TLR2: variants seen among roughly 807,000 people sequenced by gnomAD.
TLR2 encodes the protein toll like receptor 2.
TLR2 carries 7 observed loss-of-function variants against 9.1 expected under a neutral mutation model. That is an observed-to-expected ratio of 0.77 (90% CI 0.44 to 1.44). The LOEUF is 1.44. Ranked by LOEUF, TLR2 falls within the 40% of genes most tolerant of loss-of-function variation. The pLI, the probability that TLR2 is intolerant of heterozygous loss-of-function variation, is 0.01. For missense variants in TLR2, 812 were observed against 904.6 expected (o/e 0.90, Z 1.31); for synonymous variants, 317 against 344.6 (o/e 0.92, Z 0.89).
At chr4:153,689,592 A>G (rs1017613688) in intron 2 of TLR2, among the ~76,000 whole-genome samples, 3 of 152,242 alleles carry the variant, frequency 2.0e-5, no homozygotes, top group Admixed American at 1.3e-4. Flanking sequence ...TGAGGGCAAT[A>G]TGCCTCAATT....
downstream of TLR2, among the ~76,000 whole-genome samples, chr4:153,709,719 C>T (rs147669713): frequency 4.9e-4 from 75 of 152,328 alleles, no homozygotes; most frequent in Non-Finnish European, 9.1e-4. Context: ...TGTGTGCACG[C>T]GCACGCAGAG....
intron 2 of TLR2, among the ~76,000 whole-genome samples, chr4:153,691,631 C>G (rs899456139): frequency 1.3e-5 from 2 of 152,078 alleles, no homozygotes; most frequent in African/African-American, 4.8e-5. Context: ...GCCTCAGCTT[C>G]TTTTGTTAAT....
At chr4:153,694,455 G>A (rs766982987) in intron 2 of TLR2, among the ~76,000 whole-genome samples, 24 of 152,202 alleles carry the variant, frequency 1.6e-4, no homozygotes, top group Non-Finnish European at 3.1e-4. Flanking sequence ...GCTGCTTAAG[G>A]CAAACAGGCA....
downstream of TLR2, among the ~76,000 whole-genome samples, chr4:153,709,261 A>G (rs1360698932): frequency 6.6e-6 from 1 of 152,258 alleles, no homozygotes; most frequent in Non-Finnish European, 1.5e-5. Flanking sequence ...CATTAAGTAT[A>G]GTGCCAATAT....
At position 153,703,648 on chromosome 4, in the gene TLR2, A is replaced by G. The variant is rs1484893915; in HGVS notation, c.741A>G (p.Thr247=). The G allele has an allele frequency of 5.0e-6, 8 of 1,613,210 alleles. No individual in the cohort carries two copies. The East Asian group carries it at 1.6e-4, about 31-fold the overall frequency. The change falls in exon 3 of 3, where the codon ACA becomes ACG. Residue 247 remains threonine, a synonymous_variant. Transcript: ENST00000642700. ...TTTCAGAACTATCCACTGGTGAAAC[A>G]AATTCATTGATTAAAAAGTTTACAT... ...FHFSELSTGE[T]NSLIKKFTFR... is the part of the protein sequence containing the mutation.
At position 153,704,447 on chromosome 4, in the gene TLR2, T is replaced by C; in HGVS notation, c.1540T>C (p.Phe514Leu). 1.2e-6 allele frequency: 2 copies of C among 1,614,162 alleles called. No homozygotes were observed. Among genetic ancestry groups the C allele is most frequent in the South Asian group, 1.1e-5 (1 of 91,080 alleles). ...LKISRNAITT[F>L]SKEQLDSFHT... ...AATCAGTAGGAATGCAATAACTACG[T>C]TTTCTAAGGAGCAACTTGACTCATT... The change falls in exon 3 of 3, where the codon TTT becomes CTT. Residue 514 changes from phenylalanine (F) to leucine (L), a missense_variant. Coordinates refer to ENST00000642700, the MANE Select transcript of TLR2 (RefSeq NM_001318789.2).
chr4:153,690,010 G>C (rs1735994880), intron 2 of TLR2, among the ~76,000 whole-genome samples: 1 of 152,212 alleles, frequency 6.6e-6, no homozygotes, highest in Non-Finnish European at 1.5e-5. Flanking sequence ...CTCATGATAA[G>C]GTTTCAGGTG....
At chr4:153,695,051 A>G (rs1009743562) in intron 2 of TLR2, among the ~76,000 whole-genome samples, 12 of 152,030 alleles carry the variant, frequency 7.9e-5, no homozygotes, top group African/African-American at 2.7e-4. Flanking sequence ...TATATACCAC[A>G]TTTTCTTTAT....
At position 153,705,863 on chromosome 4, in the gene TLR2, A is replaced by G. The variant is rs1387032737; in HGVS notation, c.*601A>G. 6.6e-6 allele frequency among the ~76,000 whole-genome samples: 1 copy of G among 152,206 alleles called. No homozygotes were observed. The highest frequency in any genetic ancestry group is 1.5e-5 in the Non-Finnish European group (1 of 68,040). The stretch of plus-strand genomic sequence containing the variant: ...TAGCAACTGGCTTAGTTCATTAGGA[A>G]ACAGCACAAATGAACTTAAGATTCT... On this transcript the variant is annotated 3_prime_UTR_variant, in exon 3 of 3. Transcript: ENST00000642700.
rs1174713484 is a variant in TLR2, at chr4:153,684,339, T to G, written c.-184T>G. 1 of 152,256 alleles carries G rather than the reference T, an allele frequency of 6.6e-6. No homozygotes were observed. The highest frequency in any genetic ancestry group is 1.5e-5 in the Non-Finnish European group (1 of 68,130). 9.4% of individuals were successfully genotyped at this position (152,256 alleles called of 1,614,324 possible). ...GGCGGCTGCTCGGCGTTCTCTCAGG[T>G]GACTGCTCGGAGTTCTCCCAGGTAC... On this transcript the variant is annotated 5_prime_UTR_variant, in exon 1 of 3. Coordinates refer to ENST00000642700, the MANE Select transcript of TLR2 (RefSeq NM_001318789.2).
downstream of TLR2, among the ~76,000 whole-genome samples, chr4:153,707,167 C>T (rs773815551): frequency 9.2e-5 from 14 of 152,100 alleles, no homozygotes; most frequent in African/African-American, 2.4e-4. Context: ...AATATATGCT[C>T]ATTAACTGCA....
In TLR2 at chr4:153,703,240, C is replaced by T. The variant is rs779785966; in HGVS notation, c.333C>T (p.Tyr111=). 8 of 1,613,968 alleles carry T rather than the reference C, an allele frequency of 5.0e-6. No homozygotes were observed. The highest frequency in any genetic ancestry group is 2.5e-6 in the Non-Finnish European group (3 of 1,179,978). ...AACATTTAGACTTATCCTATAATTA[C>T]TTATCTAATTTATCGTCTTCCTGGT... ...SLEHLDLSYN[Y]LSNLSSSWFK... Residue 111 remains tyrosine, a synonymous_variant, in exon 3 of 3, where the codon TAC becomes TAT. Transcript: ENST00000642700.
At chr4:153,709,075 A>G (rs1291003653), downstream of TLR2, among the ~76,000 whole-genome samples, 1 of 152,078 alleles carries the variant, frequency 6.6e-6, no homozygotes, top group Non-Finnish European at 1.5e-5. Context: ...CTTTGCATTC[A>G]TGCTCCTTAA....
In TLR2 at chr4:153,704,038, G is replaced by C; in HGVS notation, c.1131G>C (p.Leu377Phe). 1 of 1,614,078 alleles carries C rather than the reference G, an allele frequency of 6.2e-7. No homozygotes were observed. Among genetic ancestry groups the C allele is most frequent in the Non-Finnish European group, 8.5e-7 (1 of 1,180,002 alleles). The change falls in exon 3 of 3, where the codon TTG becomes TTC. Residue 377 changes from leucine to phenylalanine, a missense_variant. By Grantham distance (22) the Leu-to-Phe change is conservative. Transcript: ENST00000642700. ...LSENLMVEEY[L>F]KNSACEDAWP... is the part of the protein sequence containing the mutation. The stretch of plus-strand genomic sequence containing the variant: ...AAAATTTGATGGTTGAAGAATACTT[G>C]AAAAATTCAGCCTGTGAGGATGCCT...
Position 153,704,847 on chromosome 4 carries a change from A to C in TLR2, c.1940A>C (p.Tyr647Ser), listed in dbSNP as rs1560755551. 1 of 1,613,988 alleles carries C rather than the reference A, an allele frequency of 6.2e-7. No homozygotes were observed. Among genetic ancestry groups the C allele is most frequent in the Admixed American group, 1.7e-5 (1 of 60,010 alleles). ...RNICYDAFVS[Y>S]SERDAYWVEN... is the part of the protein sequence containing the mutation. ...ATCTGCTATGATGCATTTGTTTCTT[A>C]CAGTGAGCGGGATGCCTACTGGGTG... Residue 647 changes from tyrosine (Y) to serine (S), a missense_variant, in exon 3 of 3, where the codon TAC becomes TCC. Coordinates refer to ENST00000642700, the MANE Select transcript of TLR2 (RefSeq NM_001318789.2).
At chr4:153,694,027 C>T (rs1252166286) in intron 2 of TLR2, among the ~76,000 whole-genome samples, 2 of 152,172 alleles carry the variant, frequency 1.3e-5, no homozygotes, top group African/African-American at 2.4e-5. Flanking sequence ...GGATTCACAG[C>T]CTTCAGAGCT....
In TLR2 at chr4:153,702,960, C is replaced by T; in HGVS notation, c.53C>T (p.Ser18Phe). Residue 18 changes from serine to phenylalanine, a missense_variant, in exon 3 of 3, where the codon TCC becomes TTC. Transcript: ENST00000642700. The stretch of plus-strand genomic sequence containing the variant: ...GTCTTGGGGGTCATCATCAGCCTCT[C>T]CAAGGAAGAATCCTCCAATCAGGCT... ...VWVLGVIISL[S>F]KEESSNQASL... 6.2e-7 allele frequency: 1 copy of T among 1,608,764 alleles called. No homozygotes were observed. Among genetic ancestry groups the T allele is most frequent in the Non-Finnish European group, 8.5e-7 (1 of 1,177,704 alleles).
chr4:153,684,834 G>A (rs1735578336), intron 1 of TLR2, among the ~76,000 whole-genome samples: 1 of 152,138 alleles, frequency 6.6e-6, no homozygotes, highest in Non-Finnish European at 1.5e-5. Flanking sequence ...CCCCGGCCCG[G>A]CCCTCCCGCT....
chr4:153,702,761 TTTGTGTGTGTGTG>T, intron 2 of TLR2, 118 bp from the exon 3 acceptor site: 4 of 541,168 alleles, frequency 7.4e-6, no homozygotes, highest in Admixed American at 4.2e-5. Flanking sequence ...TCTCTCTCTC[TTTGTGTGTGTGTG>T]TGTGTGTGTG....
Sources: gnomAD v4.1 joint callset for allele counts (sites outside exome capture counted in the v4.1 genomes callset) on GRCh38, gnomAD v4.1.1 for gene constraint, MANE v1.5 for transcripts, NCBI Gene and HGNC (gene_info 2026-07-23, HGNC 2026-07-21) for gene names.